VPS8: variants seen among roughly 807,000 people sequenced by gnomAD.
The protein encoded by VPS8 is vacuolar protein sorting-associated protein 8 homolog.
VPS8 carries 129 observed loss-of-function variants against 216.4 expected under a neutral mutation model. The observed-to-expected ratio is 0.60, with a 90% confidence interval of 0.52 to 0.69. The LOEUF (loss-of-function observed/expected upper bound fraction) is 0.69, where lower values mean the gene tolerates loss of function less well. VPS8 is among the 30% of genes least tolerant of loss of function. The pLI, the probability that VPS8 is intolerant of heterozygous loss-of-function variation, is 0.00. For synonymous variants in VPS8, 571 were observed against 565.4 expected (o/e 1.01, Z -0.14); for missense variants, 1,531 against 1,683.5 (o/e 0.91, Z 1.59).
At chr3:184,879,261 T>G (rs1476080809) in intron 21 of VPS8, among the ~76,000 whole-genome samples, 1 of 152,212 alleles carries the variant, frequency 6.6e-6, no homozygotes, top group Non-Finnish European at 1.5e-5. Context: ...CTTTAATACA[T>G]CTTAAATATA....
chr3:184,899,960 G>A (rs1734187308), intron 24 of VPS8, among the ~76,000 whole-genome samples: 1 of 152,170 alleles, frequency 6.6e-6, no homozygotes, highest in Non-Finnish European at 1.5e-5. Context: ...TGTTCGAAGT[G>A]TTTAAAGTTT....
chr3:185,048,410 C>T (rs769267036), intron 46 of VPS8, 69 bp from the exon 47 acceptor site: 21 of 1,440,154 alleles, frequency 1.5e-5, no homozygotes, highest in South Asian at 5.8e-5. Context: ...GCTTCAGCAT[C>T]GTGTAGAGCA....
intron 46 of VPS8, among the ~76,000 whole-genome samples, chr3:185,042,544 G>C (rs747047254): frequency 6.6e-6 from 1 of 152,178 alleles, no homozygotes; most frequent in Non-Finnish European, 1.5e-5. Flanking sequence ...CCTGCTCTCT[G>C]TCCTGGCATC....
rs75217512 is a variant in VPS8 at position 184,893,680 on chromosome 3, G to A, written c.1782-1023G>A. On this transcript the variant is annotated intron_variant, in intron 22 of 47. Transcript: ENST00000625842. The stretch of plus-strand genomic sequence containing the variant: ...TTCATAGCACATTTCAAGTGCCACA[G>A]ATTTTTTCATATCTTTTCACTTAAG... Among the ~76,000 whole-genome samples, 92 of 152,306 alleles carry A rather than the reference G, an allele frequency of 6.0e-4. No individual in the cohort carries two copies. In the East Asian group the frequency reaches 0.016, roughly 27 times the overall value.
intron 46 of VPS8, among the ~76,000 whole-genome samples, chr3:185,026,495 T>G (rs1257551250): frequency 6.8e-6 from 1 of 146,428 alleles, no homozygotes; most frequent in African/African-American, 2.5e-5. Context: ...CACTGTAACC[T>G]CTGCCTCCCG....
At chr3:184,826,345 A>G in intron 3 of VPS8, 114 bp downstream of exon 3, 1 of 621,628 alleles carries the variant, frequency 1.6e-6, no homozygotes, top group East Asian at 3.0e-5. Context: ...GGTAGCCACT[A>G]GTCGTGTGTG....
chr3:184,932,901 C>T (rs974686917), intron 34 of VPS8, among the ~76,000 whole-genome samples: 1 of 152,218 alleles, frequency 6.6e-6, no homozygotes, highest in Non-Finnish European at 1.5e-5. Flanking sequence ...CTATTAAGAA[C>T]AGTCTGTTCA....
intron 23 of VPS8, among the ~76,000 whole-genome samples, chr3:184,895,453 T>G (rs1179315024): frequency 6.6e-6 from 1 of 151,996 alleles, no homozygotes. Context: ...AGCCATTGTT[T>G]GATAAATACT....
intron 47 of VPS8, among the ~76,000 whole-genome samples, chr3:185,051,202 C>A (rs924102523): frequency 7.2e-5 from 11 of 152,170 alleles, no homozygotes; most frequent in Admixed American, 7.2e-4. Flanking sequence ...CTCCTCCTAC[C>A]CTTCTGTCCT....
intron 15 of VPS8, among the ~76,000 whole-genome samples, chr3:184,861,733 G>T (rs1013101184): frequency 6.6e-6 from 1 of 152,232 alleles, no homozygotes; most frequent in Admixed American, 6.5e-5. Flanking sequence ...GCAACGCTGC[G>T]GGTCTAATCT....
chr3:184,986,987 G>A (rs1283061211), intron 42 of VPS8, among the ~76,000 whole-genome samples: 1 of 152,134 alleles, frequency 6.6e-6, no homozygotes, highest in Non-Finnish European at 1.5e-5. Context: ...GTGTTGTACA[G>A]TTGTATGGGT....
At chr3:185,003,520 C>T (rs1294606961) in intron 45 of VPS8, among the ~76,000 whole-genome samples, 4 of 149,628 alleles carry the variant, frequency 2.7e-5, no homozygotes, top group African/African-American at 9.9e-5. Flanking sequence ...TTTCTTAGTA[C>T]AGAACAAAAT....
chr3:184,883,636 T>G (rs1374805700), intron 21 of VPS8, among the ~76,000 whole-genome samples: 2 of 152,168 alleles, frequency 1.3e-5, no homozygotes, highest in Non-Finnish European at 2.9e-5. Flanking sequence ...TTTTTTTTCT[T>G]TGATGACTGT....
chr3:185,031,063 GTTTTTTTTT>G (rs765510619), intron 46 of VPS8, among the ~76,000 whole-genome samples: 9 of 64,346 alleles, frequency 1.4e-4, no homozygotes, highest in African/African-American at 2.8e-4. Flanking sequence ...ACAGGTTGGC[GTTTTTTTTT>G]TTTTTTTTTT....
intron 13 of VPS8, among the ~76,000 whole-genome samples, chr3:184,854,723 C>A (rs1219505416): frequency 6.6e-6 from 1 of 152,180 alleles, no homozygotes; most frequent in East Asian, 1.9e-4. Flanking sequence ...ATAGAGTAGA[C>A]CCCACTGTAA....
In VPS8 at chr3:184,870,803, C is replaced by T; in HGVS notation, c.1732C>T (p.Gln578Ter). ...GKIQVMEQHF[Q>*]DMVPVIVDYC... is the part of the protein sequence containing the mutation. ...AATCCAAGTGATGGAGCAGCATTTT[C>T]AGGTACACATTGCATGTGCTTCCAG... The change falls in exon 21 of 48, where the codon CAG becomes TAG. Residue 578 changes from glutamine to a stop codon, truncating the protein, a stop_gained and splice_region_variant. Coordinates refer to ENST00000625842, the MANE Select transcript of VPS8 (RefSeq NM_001009921.3). LOFTEE classifies it high-confidence loss of function. 1 of 1,610,074 alleles carries T rather than the reference C, an allele frequency of 6.2e-7. No homozygotes were observed. The highest frequency in any genetic ancestry group is 8.5e-7 in the Non-Finnish European group (1 of 1,177,966).
chr3:184,920,013 A>G, intron 28 of VPS8, 114 bp from the exon 29 acceptor site: 1 of 746,756 alleles, frequency 1.3e-6, no homozygotes, highest in Non-Finnish European at 2.2e-6. Flanking sequence ...CTAATGAGGA[A>G]TAGTTATCTT....
intron 40 of VPS8, among the ~76,000 whole-genome samples, chr3:184,982,172 T>C (rs1419005318): frequency 6.6e-6 from 1 of 152,100 alleles, no homozygotes; most frequent in Non-Finnish European, 1.5e-5. Context: ...TATGCAGCAA[T>C]AGTGTTATTT....
At chr3:184,889,983 A>C (rs1246513326) in intron 22 of VPS8, among the ~76,000 whole-genome samples, 1 of 152,206 alleles carries the variant, frequency 6.6e-6, no homozygotes, top group Non-Finnish European at 1.5e-5. Context: ...GTTTAATTAA[A>C]TAGTTCAGTC....
Sources: allele counts gnomAD v4.1 joint callset (sites outside exome capture counted in the v4.1 genomes callset), GRCh38; gene constraint gnomAD v4.1.1; transcripts MANE v1.5; gene names NCBI Gene and HGNC (gene_info 2026-07-23, HGNC 2026-07-21).